The following NUDCD3 variants were observed in gnomAD, a reference collection of about 807,000 sequenced individuals.
NUDCD3 encodes the protein NudC domain containing 3.
Under a neutral mutation model 39.7 loss-of-function variants are expected in NUDCD3, and 13 were observed. That is an observed-to-expected ratio of 0.33 (90% CI 0.21 to 0.52). The LOEUF (loss-of-function observed/expected upper bound fraction) is 0.52, where lower values mean the gene tolerates loss of function less well. Ranked by LOEUF, NUDCD3 falls within the 20% of genes least tolerant of loss-of-function variation. The pLI is 0.96. For synonymous variants in NUDCD3, 175 were observed against 172.4 expected (o/e 1.02, Z -0.12); for missense variants, 453 against 458.1 (o/e 0.99, Z 0.10).
At position 44,383,694 on chromosome 7, in the gene NUDCD3, C is replaced by T. The variant is rs1364284052; in HGVS notation, c.*2317G>A. 1 of 152,260 alleles carries T rather than the reference C, an allele frequency of 6.6e-6. No homozygotes were observed. The highest frequency in any genetic ancestry group is 1.5e-5 in the Non-Finnish European group (1 of 68,070). The allele number at this position is 152,260 out of a possible 1,614,324, so 9.4% of individuals were successfully genotyped here. On this transcript the variant is annotated 3_prime_UTR_variant, in exon 6 of 6. Coordinates refer to ENST00000355451, the MANE Select transcript of NUDCD3 (RefSeq NM_015332.4). The stretch of plus-strand genomic sequence containing the variant: ...GGCCCTGGACAAGGGAAATGAGTCA[C>T]CCCGCTTTCCTCGGACCTCAGCTGG...
intron 3 of NUDCD3, among the ~76,000 whole-genome samples, chr7:44,412,744 G>A (rs1181931928): frequency 1.3e-5 from 2 of 151,806 alleles, no homozygotes; most frequent in East Asian, 1.9e-4. Context: ...TGGCTAACAC[G>A]GTGAAGCCCC....
At chr7:44,453,704 G>A (rs370425019) in intron 2 of NUDCD3, among the ~76,000 whole-genome samples, 106 of 152,222 alleles carry the variant, frequency 7.0e-4, no homozygotes, top group African/African-American at 2.3e-3. Flanking sequence ...AAAGGTGAAC[G>A]TCACAAGCCA....
In NUDCD3 at chr7:44,385,626, T is replaced by G. The variant is rs150212227; in HGVS notation, c.*385A>C. ...CTGAGAGTCCAGCAACAACTCCACA[T>G]CCCAACCAGAAGACATGCAAGCAGA... is the stretch of plus-strand genomic sequence containing the variant. On this transcript the variant is annotated 3_prime_UTR_variant, in exon 6 of 6. Coordinates refer to ENST00000355451, the MANE Select transcript of NUDCD3 (RefSeq NM_015332.4). 1.3e-3 allele frequency: 268 copies of G among 203,092 alleles called. 1 individual carries two copies. The highest frequency in any genetic ancestry group is 6.1e-3 in the African/African-American group (260 of 42,946). 12.6% of individuals were successfully genotyped at this position (203,092 alleles called of 1,614,324 possible).
chr7:44,416,683 C>T (rs1287922550), intron 3 of NUDCD3, among the ~76,000 whole-genome samples: 3 of 152,046 alleles, frequency 2.0e-5, no homozygotes, highest in South Asian at 4.1e-4. Flanking sequence ...ATAGATATAC[C>T]GTGTTAATAA....
chr7:44,421,429 A>C (rs1799137558), intron 3 of NUDCD3, among the ~76,000 whole-genome samples: 1 of 151,228 alleles, frequency 6.6e-6, no homozygotes, highest in African/African-American at 2.4e-5. Context: ...TCATGTGCAA[A>C]GACACACATA....
At chr7:44,393,732 G>C (rs549333221) in intron 4 of NUDCD3, among the ~76,000 whole-genome samples, 15 of 152,328 alleles carry the variant, frequency 9.8e-5, no homozygotes, top group African/African-American at 3.6e-4. Context: ...CACAGAAAGG[G>C]AGAAAAGGTA....
intron 2 of NUDCD3, among the ~76,000 whole-genome samples, chr7:44,457,101 C>G (rs1017724190): frequency 1.3e-5 from 2 of 152,060 alleles, no homozygotes; most frequent in Admixed American, 6.5e-5. Context: ...AGTTGGTGAC[C>G]CCTGATGAGG....
intron 1 of NUDCD3, among the ~76,000 whole-genome samples, chr7:44,489,386 C>T (rs1800684889): frequency 6.6e-6 from 1 of 152,194 alleles, no homozygotes; most frequent in Non-Finnish European, 1.5e-5. Context: ...CTGGTAGCTA[C>T]CAAGACATTC....
At chr7:44,394,359 A>C (rs532041965) in intron 4 of NUDCD3, among the ~76,000 whole-genome samples, 2 of 152,314 alleles carry the variant, frequency 1.3e-5, no homozygotes, top group African/African-American at 4.8e-5. Flanking sequence ...TTTGTCGTTG[A>C]CTTTACAGTT....
intron 2 of NUDCD3, chr7:44,467,932 C>A (rs762181122): frequency 1.2e-6 from 2 of 1,608,400 alleles, no homozygotes; most frequent in East Asian, 2.2e-5. Context: ...AGCCCAAGAT[C>A]GTCAAAAAGA....
At position 44,490,402 on chromosome 7, in the gene NUDCD3, G is replaced by A. The variant is rs1332055933; in HGVS notation, c.192+7C>T. 3 of 1,543,042 alleles carry A rather than the reference G, an allele frequency of 1.9e-6. No homozygotes were observed. The highest frequency in any genetic ancestry group is 4.0e-5 in the Admixed American group (2 of 50,552). ...GGCTCCCCAGACCGCAGGCCCGCCC[G>A]CCTCACCTGCAGCACCAAGGCCTGC... is the stretch of plus-strand genomic sequence containing the variant. On this transcript the variant is annotated splice_region_variant and intron_variant, in intron 1 of 5. Transcript: ENST00000355451.
At chr7:44,462,281 A>T (rs1020189963) in intron 2 of NUDCD3, among the ~76,000 whole-genome samples, 2 of 152,222 alleles carry the variant, frequency 1.3e-5, no homozygotes, top group Non-Finnish European at 2.9e-5. Context: ...TACAAACAAC[A>T]TTTCATGAAT....
intron 2 of NUDCD3, among the ~76,000 whole-genome samples, chr7:44,477,660 C>G (rs1373717363): frequency 6.6e-6 from 1 of 152,148 alleles, no homozygotes; most frequent in Non-Finnish European, 1.5e-5. Flanking sequence ...TGAGAAATGC[C>G]TGATTAGTGA....
rs955105817 is a variant in NUDCD3 at position 44,380,451 on chromosome 7, G to C, written c.*5560C>G. On this transcript the variant is annotated 3_prime_UTR_variant, in exon 6 of 6. Coordinates refer to ENST00000355451, the MANE Select transcript of NUDCD3 (RefSeq NM_015332.4). The stretch of plus-strand genomic sequence containing the variant: ...CATTACCAAAAGAGGTGGTCACTCA[G>C]GGGTGCTGGAATCTTCCCCACCTTA... 2.6e-5 allele frequency: 4 copies of C among 152,330 alleles called. No homozygotes were observed. Among genetic ancestry groups the C allele is most frequent in the African/African-American group, 4.8e-5 (2 of 41,564 alleles). 9.4% of individuals were successfully genotyped at this position (152,330 alleles called of 1,614,324 possible).
chr7:44,399,460 G>C (rs1798681564), intron 4 of NUDCD3, among the ~76,000 whole-genome samples: 1 of 152,244 alleles, frequency 6.6e-6, no homozygotes, highest in Admixed American at 6.5e-5. Context: ...TTATGAAGAA[G>C]TATGTTAAGT....
intron 3 of NUDCD3, among the ~76,000 whole-genome samples, chr7:44,409,500 A>G (rs933096255): frequency 2.0e-5 from 3 of 152,184 alleles, no homozygotes; most frequent in Non-Finnish European, 2.9e-5. Context: ...CCATGGGAAG[A>G]AAGGAGCATC....
At chr7:44,430,492 C>G (rs1459617157) in intron 2 of NUDCD3, among the ~76,000 whole-genome samples, 1 of 152,014 alleles carries the variant, frequency 6.6e-6, no homozygotes, top group African/African-American at 2.4e-5. Flanking sequence ...TTCATTGACA[C>G]TTTTGTACAT....
intron 1 of NUDCD3, among the ~76,000 whole-genome samples, chr7:44,486,810 C>T (rs1168252423): frequency 6.6e-6 from 1 of 152,204 alleles, no homozygotes; most frequent in Non-Finnish European, 1.5e-5. Context: ...TCACTCAGTA[C>T]ATCCAGCCTT....
chr7:44,422,453 A>G (rs1215636859), intron 3 of NUDCD3, among the ~76,000 whole-genome samples: 1 of 152,174 alleles, frequency 6.6e-6, no homozygotes, highest in African/African-American at 2.4e-5. Context: ...GATAAAGGAG[A>G]TATCACCACT....
Sources: allele counts gnomAD v4.1 joint callset (sites outside exome capture counted in the v4.1 genomes callset), GRCh38; gene constraint gnomAD v4.1.1; transcripts MANE v1.5; gene names NCBI Gene and HGNC (gene_info 2026-07-23, HGNC 2026-07-21).